Variants in ANK3 observed in about 807,000 individuals in gnomAD.
ANK3 encodes ankyrin-3.
Under a neutral mutation model 370.9 loss-of-function variants are expected in ANK3, and 57 were observed. The ratio of observed to expected loss-of-function variants is 0.15; its 90% CI spans 0.12 to 0.19. The LOEUF (loss-of-function observed/expected upper bound fraction) is 0.19. ANK3 is among the 10% of genes least tolerant of loss of function. The pLI is 1.00. For synonymous variants in ANK3, 1,929 were observed against 1,946.3 expected, an observed-to-expected ratio of 0.99 and a Z score of 0.23; for missense variants, 4,439 against 5,302.1, an observed-to-expected ratio of 0.84 and a Z score of 5.06.
At position 60,072,280 on chromosome 10, in the gene ANK3, T is replaced by C; in HGVS notation, c.8601A>G (p.Lys2867=). 1.2e-6 allele frequency: 2 copies of C among 1,614,164 alleles called. No homozygotes were observed. The highest frequency in any genetic ancestry group is 1.7e-6 in the Non-Finnish European group (2 of 1,180,026). Residue 2867 remains lysine (K), a synonymous_variant, in exon 37 of 44, where the codon AAA becomes AAG. Coordinates refer to ENST00000280772, the MANE Select transcript of ANK3 (RefSeq NM_020987.5). ...SSGATNNKSQ[K]EKLSHVLVHD... ...GAACAAGTACATGCGAAAGTTTTTC[T>C]TTCTGAGACTTATTGTTAGTGGCTC... is the stretch of plus-strand genomic sequence containing the variant.
rs72822231 is a variant in ANK3 at position 60,293,048 on chromosome 10, T to G, written c.115-13409A>C. Among the ~76,000 whole-genome samples, 804 of 152,250 alleles carry G rather than the reference T, an allele frequency of 5.3e-3. 4 individuals carry two copies. Among genetic ancestry groups the G allele is most frequent in the South Asian group, 0.01 (49 of 4,822 alleles). On this transcript the variant is annotated intron_variant, in intron 1 of 43. Transcript: ENST00000280772. ...TTCTATCAGTCACCCCCTCCTCTCT[T>G]TTTGCTTTGCTTCATCTAGCTCATC...
rs143582395 is a variant in ANK3, at chr10:60,368,108, T to A, written c.114+21317A>T. Among the ~76,000 whole-genome samples the A allele has an allele frequency of 2.0e-5, 3 of 152,298 alleles. No individual in the cohort carries two copies. In the East Asian group the frequency reaches 5.8e-4, roughly 29 times the overall value. On this transcript the variant is annotated intron_variant, in intron 1 of 43. Transcript: ENST00000280772. Reference sequence around the variant, plus strand: ...TGTATCCTAGAATTGTGTATCTCACTGCATTGTTCAGTTTATTACAACCTT... The same window carrying A: ...TGTATCCTAGAATTGTGTATCTCACAGCATTGTTCAGTTTATTACAACCTT...
At chr10:60,441,504 A>G (rs1352566505) in intron 2 of ANK3, among the ~76,000 whole-genome samples, 1 of 152,138 alleles carries the variant, frequency 6.6e-6, no homozygotes, top group East Asian at 1.9e-4. Context: ...TCCTATCTTG[A>G]ATTTTTCTCT....
At chr10:60,660,428 T>C (rs1419087358) in intron 1 of ANK3, among the ~76,000 whole-genome samples, 4 of 152,196 alleles carry the variant, frequency 2.6e-5, no homozygotes, top group Non-Finnish European at 5.9e-5. Context: ...TAATTATTGT[T>C]GCAACAGTAA....
chr10:60,202,906 C>G (rs893208148), intron 12 of ANK3, 96 bp downstream of exon 12: 1 of 821,430 alleles, frequency 1.2e-6, no homozygotes, highest in African/African-American at 1.8e-5. Context: ...TACTCCAACT[C>G]TTAAAAAAAT....
intron 2 of ANK3, among the ~76,000 whole-genome samples, chr10:60,520,208 A>G (rs183604245): frequency 1.8e-4 from 27 of 152,234 alleles, no homozygotes; most frequent in Admixed American, 7.2e-4. Context: ...GCATGTTCTC[A>G]TAAGTGCGAG....
At chr10:60,635,696 C>A (rs1383676205) in intron 1 of ANK3, among the ~76,000 whole-genome samples, 4 of 95,768 alleles carry the variant, frequency 4.2e-5, no homozygotes, top group Non-Finnish European at 9.1e-5. Flanking sequence ...TAGCTTAAAC[C>A]CTGGATATTA....
At chr10:60,573,076 A>C (rs1313054639) in intron 2 of ANK3, 1 of 870,524 alleles carries the variant, frequency 1.1e-6, no homozygotes, top group African/African-American at 1.8e-5. Flanking sequence ...TGTTGAATGC[A>C]TCAGGGCATA....
intron 2 of ANK3, among the ~76,000 whole-genome samples, chr10:60,481,170 A>G (rs1253315811): frequency 1.3e-5 from 2 of 152,212 alleles, no homozygotes; most frequent in African/African-American, 4.8e-5. Context: ...AGCCTGAACA[A>G]CAGAGGATAC....
intron 16 of ANK3, among the ~76,000 whole-genome samples, 166 bp from the exon 17 acceptor site, chr10:60,187,078 C>T (rs2132366910): frequency 6.6e-6 from 1 of 152,054 alleles, no homozygotes; most frequent in East Asian, 1.9e-4. Context: ...GAATATAGTG[C>T]CCTCATGTAT....
chr10:60,300,113 C>G (rs1322797443), intron 1 of ANK3, among the ~76,000 whole-genome samples: 1 of 151,382 alleles, frequency 6.6e-6, no homozygotes, highest in Non-Finnish European at 1.5e-5. Context: ...ACATCACAGG[C>G]AAAACATATC....
intron 1 of ANK3, among the ~76,000 whole-genome samples, chr10:60,666,236 T>C (rs2078994087): frequency 6.6e-6 from 1 of 152,148 alleles, no homozygotes. Flanking sequence ...AAAGAAATTG[T>C]GACACATGCT....
At chr10:60,184,923 C>T (rs1472355214) in intron 17 of ANK3, among the ~76,000 whole-genome samples, 2 of 152,116 alleles carry the variant, frequency 1.3e-5, no homozygotes, top group Admixed American at 6.5e-5. Flanking sequence ...CACTCTGATA[C>T]CAGCATGTGC....
At chr10:60,103,186 G>T (rs1010474842) in intron 28 of ANK3, among the ~76,000 whole-genome samples, 1 of 152,074 alleles carries the variant, frequency 6.6e-6, no homozygotes, top group Non-Finnish European at 1.5e-5. Flanking sequence ...TCTTGACTTC[G>T]TGATCCACTT....
chr10:60,200,520 C>T (rs2096656434), intron 12 of ANK3, among the ~76,000 whole-genome samples: 1 of 152,036 alleles, frequency 6.6e-6, no homozygotes, highest in Non-Finnish European at 1.5e-5. Flanking sequence ...TCATAGGAGC[C>T]AAGCAGGGGG....
At chr10:60,236,578 C>G (rs911320127) in intron 7 of ANK3, among the ~76,000 whole-genome samples, 1 of 152,152 alleles carries the variant, frequency 6.6e-6, no homozygotes, top group African/African-American at 2.4e-5. Context: ...ATGTCCTTTT[C>G]TCCCTGTATT....
intron 21 of ANK3, 31 bp downstream of exon 21, chr10:60,172,277 A>T (rs772667071): frequency 6.4e-7 from 1 of 1,567,590 alleles, no homozygotes; most frequent in East Asian, 2.2e-5. Flanking sequence ...GCTGGCTCCT[A>T]GGGTAACAAG....
At chr10:60,152,218 A>G (rs76838479) in intron 23 of ANK3, among the ~76,000 whole-genome samples, 3,376 of 152,258 alleles carry the variant, frequency 0.022, 64 homozygotes, top group Non-Finnish European at 0.034. Context: ...TAAAAAACTA[A>G]CCATGAGTTG....
intron 23 of ANK3, among the ~76,000 whole-genome samples, chr10:60,159,802 T>G (rs1310627930): frequency 6.6e-6 from 1 of 152,056 alleles, no homozygotes; most frequent in Non-Finnish European, 1.5e-5. Context: ...AATTAAACAA[T>G]ATGCTCCTGA....
Sources: gnomAD v4.1 joint callset for allele counts (sites outside exome capture counted in the v4.1 genomes callset) on GRCh38, gnomAD v4.1.1 for gene constraint, MANE v1.5 for transcripts, NCBI Gene and HGNC (gene_info 2026-07-23, HGNC 2026-07-21) for gene names.